Variants in NAPEPLD observed in about 807,000 individuals in gnomAD.
NAPEPLD encodes the protein N-acyl-phosphatidylethanolamine-hydrolyzing phospholipase D.
A neutral mutation model predicts 38.1 loss-of-function variants in NAPEPLD; 23 were observed. The observed-to-expected ratio is 0.60, with a 90% CI of 0.43 to 0.86. NAPEPLD has a LOEUF of 0.86. Among genes scored for constraint, NAPEPLD ranks in the 40% least tolerant of loss-of-function variants. The pLI, the probability that NAPEPLD is intolerant of heterozygous loss-of-function variation, is 0.00. For synonymous variants in NAPEPLD, 147 were observed against 162.0 expected (o/e 0.91, Z 0.71); for missense variants, 411 against 476.8 (o/e 0.86, Z 1.28).
At position 103,103,304 on chromosome 7, in the gene NAPEPLD, A is replaced by G; in HGVS notation, c.*125T>C. 8.4e-7 allele frequency: 1 copy of G among 1,193,348 alleles called. No homozygotes were observed. Among genetic ancestry groups the G allele is most frequent in the Non-Finnish European group, 1.2e-6 (1 of 860,182 alleles). 73.9% of individuals were successfully genotyped at this position (1,193,348 alleles called of 1,614,324 possible). On this transcript the variant is annotated 3_prime_UTR_variant, in exon 5 of 5. Transcript: ENST00000465647. Reference sequence around the variant, plus strand: ...CAAGTTATTACACAAAACATAAAACATAAACTTGCAGAAGTTGTTTCCAAA... The same window carrying G: ...CAAGTTATTACACAAAACATAAAACGTAAACTTGCAGAAGTTGTTTCCAAA...
At chr7:103,132,772 G>A (rs899252717) in intron 1 of NAPEPLD, among the ~76,000 whole-genome samples, 12 of 152,044 alleles carry the variant, frequency 7.9e-5, no homozygotes, top group African/African-American at 2.2e-4. Context: ...GCGACAGAGC[G>A]AGACTCCGTC....
chr7:103,145,412 A>C (rs543568578), intron 1 of NAPEPLD, among the ~76,000 whole-genome samples: 18 of 152,360 alleles, frequency 1.2e-4, no homozygotes, highest in African/African-American at 4.3e-4. Context: ...TCTACACATA[A>C]AAGTGAGACA....
In NAPEPLD at chr7:103,101,143, A is replaced by G. The variant is rs1396526961; in HGVS notation, c.*2286T>C. ...GCGTGCAGCAGCAGGGAATATGGCT[A>G]CAACAACGCTGGCTAGTATTAGGGC... On this transcript the variant is annotated 3_prime_UTR_variant, in exon 5 of 5. Transcript: ENST00000465647. 2.0e-5 allele frequency: 3 copies of G among 152,262 alleles called. No homozygotes were observed. The highest frequency in any genetic ancestry group is 4.4e-5 in the Non-Finnish European group (3 of 68,054). 9.4% of individuals were successfully genotyped at this position (152,262 alleles called of 1,614,324 possible). A position where few individuals can be genotyped will look rare whatever the true frequency, so the allele number is the denominator to read the frequency against.
upstream of NAPEPLD, chr7:103,149,676 T>C (rs916334035): frequency 3.5e-6 from 1 of 286,426 alleles, no homozygotes; most frequent in Non-Finnish European, 6.7e-6. Flanking sequence ...GCCTCGCGAC[T>C]CAAACACTCT....
intron 1 of NAPEPLD, among the ~76,000 whole-genome samples, chr7:103,137,453 A>G (rs937421265): frequency 9.9e-5 from 15 of 152,218 alleles, no homozygotes; most frequent in Non-Finnish European, 1.3e-4. Context: ...AAGCCTATTT[A>G]TGAATACCTT....
intron 3 of NAPEPLD, among the ~76,000 whole-genome samples, chr7:103,118,503 A>C (rs1805994303): frequency 6.6e-6 from 1 of 152,236 alleles, no homozygotes; most frequent in African/African-American, 2.4e-5. Flanking sequence ...GTGAATGTAA[A>C]AATTTAGCAA....
chr7:103,149,269 G>A, upstream of NAPEPLD: 1 of 1,032,296 alleles, frequency 9.7e-7, no homozygotes, highest in Non-Finnish European at 1.2e-6. Context: ...GCGCGGGGGT[G>A]CGGACTCACC....
rs776196748 is a variant in NAPEPLD at position 103,102,807 on chromosome 7, A to T, written c.*622T>A. 2.0e-4 allele frequency: 30 copies of T among 152,658 alleles called. No homozygotes were observed. Among genetic ancestry groups the T allele is most frequent in the Non-Finnish European group, 3.2e-4 (22 of 68,030 alleles). The allele number at this position is 152,658 out of a possible 1,614,324, so 9.5% of individuals were successfully genotyped here. Reference sequence around the variant, plus strand: ...TTTAAAATGGCAAATATGTATTTATATATTTTACCACAATAGAGAAAATCA... The same window carrying T: ...TTTAAAATGGCAAATATGTATTTATTTATTTTACCACAATAGAGAAAATCA... On this transcript the variant is annotated 3_prime_UTR_variant, in exon 5 of 5. Transcript: ENST00000465647.
intron 4 of NAPEPLD, among the ~76,000 whole-genome samples, chr7:103,107,993 C>G (rs553498078): frequency 1.3e-5 from 2 of 152,078 alleles, no homozygotes; most frequent in South Asian, 4.2e-4. Flanking sequence ...AAAGGGCAAC[C>G]AGAGAGAAAC....
At chr7:103,109,324 C>T (rs1051913632) in intron 4 of NAPEPLD, among the ~76,000 whole-genome samples, 8 of 152,118 alleles carry the variant, frequency 5.3e-5, no homozygotes, top group Non-Finnish European at 7.4e-5. Flanking sequence ...TTCTAAAACT[C>T]ACCACATAAT....
chr7:103,104,410 C>T (rs991662234), intron 4 of NAPEPLD, among the ~76,000 whole-genome samples: 14 of 152,150 alleles, frequency 9.2e-5, no homozygotes, highest in African/African-American at 3.1e-4. Flanking sequence ...ACGGCACGCA[C>T]TGTTCAGAGC....
At chr7:103,140,550 G>A (rs768215814) in intron 1 of NAPEPLD, among the ~76,000 whole-genome samples, 22 of 151,892 alleles carry the variant, frequency 1.4e-4, no homozygotes, top group African/African-American at 4.3e-4. Context: ...CCGCCACCAC[G>A]CCCGGCTAAT....
chr7:103,133,007 C>T (rs1447840884), intron 1 of NAPEPLD, among the ~76,000 whole-genome samples: 3 of 152,184 alleles, frequency 2.0e-5, no homozygotes, highest in African/African-American at 7.2e-5. Flanking sequence ...CCCTAACACA[C>T]ACAAAGTCCA....
upstream of NAPEPLD, chr7:103,149,263 G>C: frequency 2.0e-6 from 2 of 1,000,500 alleles, no homozygotes; most frequent in Non-Finnish European, 2.4e-6. Context: ...GTGCGAGCGC[G>C]GGGGTGCGGA....
intron 1 of NAPEPLD, among the ~76,000 whole-genome samples, chr7:103,138,349 C>T (rs533947201): frequency 4.6e-5 from 7 of 152,136 alleles, no homozygotes; most frequent in East Asian, 1.9e-4. Context: ...TGTAAAGAAA[C>T]GGAAAGGAGA....
chr7:103,145,324 T>C (rs1190351384), intron 1 of NAPEPLD, among the ~76,000 whole-genome samples: 4 of 152,170 alleles, frequency 2.6e-5, no homozygotes, highest in African/African-American at 9.7e-5. Flanking sequence ...AATATGTGCA[T>C]CATCAGTATT....
chr7:103,108,820 A>G (rs1253991096), intron 4 of NAPEPLD, among the ~76,000 whole-genome samples: 1 of 152,212 alleles, frequency 6.6e-6, no homozygotes, highest in Non-Finnish European at 1.5e-5. Context: ...GTCAAGACCC[A>G]TCAGTGTGCT....
chr7:103,108,022 G>T (rs1220954850), intron 4 of NAPEPLD, among the ~76,000 whole-genome samples: 2 of 151,962 alleles, frequency 1.3e-5, no homozygotes, highest in South Asian at 4.2e-4. Flanking sequence ...ACCCATAAAG[G>T]GAAGCCCATC....
chr7:103,134,128 AAT>A (rs1809544284), intron 1 of NAPEPLD, among the ~76,000 whole-genome samples: 1 of 152,230 alleles, frequency 6.6e-6, no homozygotes, highest in Non-Finnish European at 1.5e-5. Flanking sequence ...AAATGGATGA[AAT>A]ATAGCATTTT....
Sources: gnomAD v4.1 joint callset for allele counts (sites outside exome capture counted in the v4.1 genomes callset) on GRCh38, gnomAD v4.1.1 for gene constraint, MANE v1.5 for transcripts, NCBI Gene and HGNC (gene_info 2026-07-23, HGNC 2026-07-21) for gene names.